The following POU2F1 variants were observed in gnomAD, a reference collection of about 807,000 sequenced individuals.
The protein encoded by POU2F1 is POU class 2 homeobox 1, also known as POU domain, class 2, transcription factor 1.
Under a neutral mutation model 84.9 loss-of-function variants are expected in POU2F1, and 16 were observed. That is an observed-to-expected ratio of 0.19 (90% CI 0.13 to 0.29). POU2F1 has a LOEUF of 0.29. POU2F1 is among the 10% of genes least tolerant of loss of function. The pLI, the probability that POU2F1 is intolerant of heterozygous loss-of-function variation, is 1.00. For synonymous variants in POU2F1, 368 were observed against 368.3 expected, an observed-to-expected ratio of 1.00 and a Z score of 0.01; for missense variants, 738 against 942.6, an observed-to-expected ratio of 0.78 and a Z score of 2.84.
At chr1:167,227,355 C>T (rs1383669205) in intron 1 of POU2F1, among the ~76,000 whole-genome samples, 1 of 151,984 alleles carries the variant, frequency 6.6e-6, no homozygotes, top group South Asian at 2.1e-4. Context: ...CAGGTTTCCC[C>T]CCCTCTGTTG....
At chr1:167,384,503 G>A (rs1421834351) in intron 8 of POU2F1, among the ~76,000 whole-genome samples, 2 of 151,632 alleles carry the variant, frequency 1.3e-5, no homozygotes, top group Admixed American at 1.3e-4. Flanking sequence ...TATCTCTCTG[G>A]ACCTCAGTCT....
intron 2 of POU2F1, among the ~76,000 whole-genome samples, chr1:167,334,354 G>T (rs1420073002): frequency 1.3e-5 from 2 of 151,758 alleles, no homozygotes; most frequent in African/African-American, 4.8e-5. Context: ...TAGAGACAGG[G>T]TTTCACCATG....
intron 1 of POU2F1, among the ~76,000 whole-genome samples, chr1:167,254,090 C>G (rs1650951883): frequency 2.0e-5 from 3 of 152,116 alleles, no homozygotes; most frequent in Admixed American, 2.0e-4. Context: ...GCTTCACTGG[C>G]ACTTTTTCTT....
At chr1:167,264,686 A>G (rs1434509224) in intron 1 of POU2F1, among the ~76,000 whole-genome samples, 1 of 152,044 alleles carries the variant, frequency 6.6e-6, no homozygotes, top group East Asian at 1.9e-4. Flanking sequence ...CTCAGCTTCC[A>G]CCCTTCCAGC....
intron 1 of POU2F1, among the ~76,000 whole-genome samples, chr1:167,298,371 A>C (rs1478753821): frequency 2.0e-5 from 3 of 152,180 alleles, no homozygotes; most frequent in Non-Finnish European, 4.4e-5. Flanking sequence ...TTGAACATTT[A>C]AGTAAAAATG....
chr1:167,289,218 A>G (rs1040499407), intron 1 of POU2F1, among the ~76,000 whole-genome samples: 5 of 152,160 alleles, frequency 3.3e-5, no homozygotes, highest in Non-Finnish European at 5.9e-5. Context: ...TAAATCTAAT[A>G]TCCCTGACGT....
At chr1:167,262,158 A>G (rs1651614741) in intron 1 of POU2F1, among the ~76,000 whole-genome samples, 1 of 152,132 alleles carries the variant, frequency 6.6e-6, no homozygotes, top group African/African-American at 2.4e-5. Context: ...GGTGTTCAAT[A>G]AATGTTGCTT....
intron 15 of POU2F1, among the ~76,000 whole-genome samples, chr1:167,413,868 T>C (rs1650135450): frequency 6.6e-6 from 1 of 151,762 alleles, no homozygotes; most frequent in Admixed American, 6.6e-5. Context: ...ATAGTTTTGC[T>C]AAGAGGCTGA....
chr1:167,391,625 A>G (rs971126784), intron 9 of POU2F1, among the ~76,000 whole-genome samples: 2 of 126,630 alleles, frequency 1.6e-5, no homozygotes, highest in South Asian at 5.0e-4. Context: ...GCTGGAGTAC[A>G]GTGGCATGAT....
chr1:167,291,759 G>C (rs985343936), intron 1 of POU2F1, among the ~76,000 whole-genome samples: 11 of 152,144 alleles, frequency 7.2e-5, no homozygotes, highest in African/African-American at 2.7e-4. Flanking sequence ...TATTGTTGAA[G>C]TTTTCCAATA....
At chr1:167,261,756 C>T (rs1218877537) in intron 1 of POU2F1, among the ~76,000 whole-genome samples, 1 of 152,188 alleles carries the variant, frequency 6.6e-6, no homozygotes, top group African/African-American at 2.4e-5. Context: ...CTTGGCTTGG[C>T]TCACTGTAAC....
At chr1:167,267,043 A>C (rs542210058) in intron 1 of POU2F1, among the ~76,000 whole-genome samples, 1 of 152,320 alleles carries the variant, frequency 6.6e-6, no homozygotes, top group South Asian at 2.1e-4. Context: ...GAAAAATTAG[A>C]AACAACCCAA....
At chr1:167,285,884 G>C (rs958584932) in intron 1 of POU2F1, among the ~76,000 whole-genome samples, 10 of 152,284 alleles carry the variant, frequency 6.6e-5, no homozygotes, top group South Asian at 2.1e-4. Context: ...TTGAAGGATA[G>C]GGTAGAATCT....
chr1:167,239,955 T>C (rs1466067308), intron 1 of POU2F1, among the ~76,000 whole-genome samples: 1 of 151,812 alleles, frequency 6.6e-6, no homozygotes, highest in Middle Eastern at 3.4e-3. Flanking sequence ...GGCTTTTTTT[T>C]TTTTCTTTAA....
intron 1 of POU2F1, among the ~76,000 whole-genome samples, chr1:167,253,874 C>T (rs1029195157): frequency 2.6e-5 from 4 of 152,070 alleles, no homozygotes; most frequent in African/African-American, 4.8e-5. Context: ...TCCTCTAATA[C>T]GTATTTCATT....
chr1:167,374,642 C>T (rs928835025), intron 6 of POU2F1, among the ~76,000 whole-genome samples: 7 of 151,962 alleles, frequency 4.6e-5, no homozygotes, highest in African/African-American at 1.5e-4. Context: ...ATGTGCTCTG[C>T]GGTGAATGTT....
In POU2F1 at chr1:167,415,897, T is replaced by G. The variant is rs556652647; in HGVS notation, c.*87T>G. The G allele has an allele frequency of 2.2e-6, 3 of 1,366,702 alleles. No homozygotes were observed. The highest frequency in any genetic ancestry group is 3.0e-6 in the Non-Finnish European group (3 of 1,002,946). 84.7% of individuals were successfully genotyped at this position (1,366,702 alleles called of 1,614,324 possible). A position where few individuals can be genotyped will look rare whatever the true frequency, so the allele number is the denominator to read the frequency against. On this transcript the variant is annotated 3_prime_UTR_variant, in exon 16 of 16. Transcript: ENST00000367866. ...CAGGTTAATAAACTGAAAAATGTGA[T>G]TGGCTTCCTCTCGCCGTGTTGTGAG...
chr1:167,426,466 C>T lies in POU2F1; in HGVS notation c.*10656C>T, dbSNP rs1246279370. ...AGTGTACATAATATTCAATAATAAT[C>T]TCCCACCAGGTGTCAATTTAGATTG... On this transcript the variant is annotated 3_prime_UTR_variant, in exon 16 of 16. Coordinates refer to ENST00000367866, the MANE Select transcript of POU2F1 (RefSeq NM_002697.4). 1.3e-5 allele frequency: 2 copies of T among 152,160 alleles called. No individual in the cohort carries two copies. The highest frequency in any genetic ancestry group is 3.9e-4 in the East Asian group (2 of 5,190). 9.4% of individuals were successfully genotyped at this position (152,160 alleles called of 1,614,324 possible). A position where few individuals can be genotyped will look rare whatever the true frequency, so the allele number is the denominator to read the frequency against.
intron 3 of POU2F1, among the ~76,000 whole-genome samples, chr1:167,367,432 A>G (rs1032608559): frequency 6.6e-6 from 1 of 152,222 alleles, no homozygotes; most frequent in Non-Finnish European, 1.5e-5. Context: ...ATAGATGACT[A>G]AATGGTCAAG....
Sources: allele counts gnomAD v4.1 joint callset (sites outside exome capture counted in the v4.1 genomes callset), GRCh38; gene constraint gnomAD v4.1.1; transcripts MANE v1.5; gene names NCBI Gene and HGNC (gene_info 2026-07-23, HGNC 2026-07-21).